The following DCC variants were observed in gnomAD, a reference collection of about 807,000 sequenced individuals.
DCC encodes the protein DCC netrin 1 receptor, also known as netrin receptor DCC.
DCC carries 58 observed loss-of-function variants against 172.5 expected under a neutral mutation model. The ratio of observed to expected loss-of-function variants is 0.34; its 90% CI spans 0.27 to 0.42. The LOEUF is 0.42. Among genes scored for constraint, DCC ranks in the 10% least tolerant of loss-of-function variants. DCC has a pLI of 1.00. For missense variants in DCC, 1,740 were observed against 1,791.0 expected, an observed-to-expected ratio of 0.97 and a Z score of 0.51; for synonymous variants, 709 against 644.5, an observed-to-expected ratio of 1.10 and a Z score of -1.52.
rs181206016 is a variant in DCC at position 53,030,639 on chromosome 18, C to G, written c.986-32666C>G. Among the ~76,000 whole-genome samples the G allele has an allele frequency of 3.1e-4, 47 of 152,196 alleles. No homozygotes were observed. The East Asian group carries it at 9.1e-3, about 29-fold the overall frequency. ...GCCCCCAACTTAGTATGTGCCTTTG[C>G]TTTCTAGTTGAGGATTAGTGGATAC... On this transcript the variant is annotated intron_variant, in intron 5 of 28. Coordinates refer to ENST00000442544, the MANE Select transcript of DCC (RefSeq NM_005215.4).
At chr18:52,479,996 T>C (rs2144580417) in intron 1 of DCC, among the ~76,000 whole-genome samples, 1 of 152,268 alleles carries the variant, frequency 6.6e-6, no homozygotes. Context: ...TCATCAATTC[T>C]ATGTAATGCC....
At chr18:53,229,272 G>A (rs898020479) in intron 12 of DCC, among the ~76,000 whole-genome samples, 1 of 152,112 alleles carries the variant, frequency 6.6e-6, no homozygotes, top group Admixed American at 6.6e-5. Flanking sequence ...TGGTCTCCTT[G>A]GGATGAGGGT....
At chr18:52,742,552 G>A (rs2036839420) in intron 1 of DCC, among the ~76,000 whole-genome samples, 1 of 152,124 alleles carries the variant, frequency 6.6e-6, no homozygotes, top group Non-Finnish European at 1.5e-5. Context: ...GCATGAAGAT[G>A]TTTAAATATC....
intron 15 of DCC, among the ~76,000 whole-genome samples, chr18:53,376,938 A>G (rs994803476): frequency 2.0e-5 from 3 of 152,126 alleles, no homozygotes; most frequent in Admixed American, 6.5e-5. Context: ...ACCTCAGTTC[A>G]GGCCCCTATG....
At chr18:53,500,140 A>C (rs942232248) in intron 27 of DCC, among the ~76,000 whole-genome samples, 1 of 152,154 alleles carries the variant, frequency 6.6e-6, no homozygotes, top group Non-Finnish European at 1.5e-5. Flanking sequence ...CCAGATTCCC[A>C]ATGCAGTATT....
chr18:53,417,013 A>G (rs1197110943), intron 21 of DCC, among the ~76,000 whole-genome samples: 2 of 152,210 alleles, frequency 1.3e-5, no homozygotes, highest in East Asian at 3.8e-4. Flanking sequence ...CAGTGCTGTC[A>G]GTATTTGTAG....
chr18:52,713,822 G>A (rs1032071070), intron 1 of DCC, among the ~76,000 whole-genome samples: 7 of 152,174 alleles, frequency 4.6e-5, no homozygotes, highest in Non-Finnish European at 1.0e-4. Context: ...ATACAGGGAA[G>A]CACTTGGTTC....
rs532780228 is a variant in DCC, at chr18:52,913,170, T to G, written c.697+6842T>G. Among the ~76,000 whole-genome samples the G allele has an allele frequency of 9.2e-5, 14 of 152,104 alleles. No homozygotes were observed. In the South Asian group the frequency reaches 2.9e-3, roughly 32 times the overall value. On this transcript the variant is annotated intron_variant, in intron 3 of 28. Transcript: ENST00000442544. ...GAGTAAATTGACAATCCTATTGTAG[T>G]GGAATTAGTTATAGTAGGTCAGGTC...
chr18:53,410,955 G>T (rs1394787148), intron 20 of DCC, among the ~76,000 whole-genome samples: 6 of 151,834 alleles, frequency 4.0e-5, no homozygotes, highest in Non-Finnish European at 8.8e-5. Context: ...TTATGTAAGG[G>T]GATAAAAATT....
At chr18:52,929,472 C>T (rs2040270005) in intron 5 of DCC, among the ~76,000 whole-genome samples, 1 of 151,766 alleles carries the variant, frequency 6.6e-6, no homozygotes, top group Admixed American at 6.6e-5. Context: ...AATACGTGAC[C>T]GTAATGTAAT....
chr18:53,142,104 A>G (rs2043839779), intron 7 of DCC, among the ~76,000 whole-genome samples: 1 of 152,178 alleles, frequency 6.6e-6, no homozygotes, highest in Non-Finnish European at 1.5e-5. Context: ...ATTAGCTGTT[A>G]CCTAAGTTGA....
intron 11 of DCC, among the ~76,000 whole-genome samples, chr18:53,210,890 G>C (rs540600442): frequency 2.0e-5 from 3 of 151,658 alleles, no homozygotes; most frequent in Non-Finnish European, 2.9e-5. Context: ...TATTTTCTGA[G>C]TAGAAACCTT....
chr18:52,595,102 T>C (rs2033879520), intron 1 of DCC, among the ~76,000 whole-genome samples: 1 of 152,212 alleles, frequency 6.6e-6, no homozygotes, highest in African/African-American at 2.4e-5. Flanking sequence ...TACTGGATCA[T>C]CCTGCCAATG....
rs186167882 is a variant in DCC, at chr18:53,279,553, C to T, written c.1912-26025C>T. The stretch of plus-strand genomic sequence containing the variant: ...AGGAGATATACCTAATGTTAAATGA[C>T]GAGTTAATGGGTGCAGCACACCAAC... On this transcript the variant is annotated intron_variant, in intron 12 of 28. Transcript: ENST00000442544. 2.7e-5 allele frequency among the ~76,000 whole-genome samples: 4 copies of T among 149,054 alleles called. 1 individual carries two copies. Among genetic ancestry groups the T allele is most frequent in the Non-Finnish European group, 3.0e-5 (2 of 67,472 alleles).
chr18:52,935,456 T>C (rs2040368006), intron 5 of DCC, among the ~76,000 whole-genome samples: 1 of 152,148 alleles, frequency 6.6e-6, no homozygotes, highest in Non-Finnish European at 1.5e-5. Flanking sequence ...GAATTCAATT[T>C]ACTACAAACA....
At chr18:52,379,283 T>C (rs546069483) in intron 1 of DCC, among the ~76,000 whole-genome samples, 5 of 152,022 alleles carry the variant, frequency 3.3e-5, no homozygotes, top group Non-Finnish European at 4.4e-5. Flanking sequence ...TACATGCCCA[T>C]TGCTTAGTGA....
At chr18:53,346,133 A>G (rs2057721573) in intron 15 of DCC, among the ~76,000 whole-genome samples, 1 of 152,118 alleles carries the variant, frequency 6.6e-6, no homozygotes, top group African/African-American at 2.4e-5. Flanking sequence ...AGCTAGGAAA[A>G]CAGGCATGTG....
At chr18:53,509,754 G>C (rs2046227655) in intron 27 of DCC, among the ~76,000 whole-genome samples, 1 of 152,146 alleles carries the variant, frequency 6.6e-6, no homozygotes, top group Admixed American at 6.5e-5. Context: ...CTGCTGTTTT[G>C]TCATCACCCT....
intron 1 of DCC, among the ~76,000 whole-genome samples, chr18:52,710,070 T>A (rs1041657582): frequency 2.6e-5 from 4 of 152,240 alleles, no homozygotes; most frequent in African/African-American, 9.6e-5. Context: ...GTGTTTGCTA[T>A]CCTCCACCTT....
Sources: gnomAD v4.1 joint callset for allele counts (sites outside exome capture counted in the v4.1 genomes callset) on GRCh38, gnomAD v4.1.1 for gene constraint, MANE v1.5 for transcripts, NCBI Gene and HGNC (gene_info 2026-07-23, HGNC 2026-07-21) for gene names.